The following CHST11 variants were observed in gnomAD, a reference collection of about 807,000 sequenced individuals.
CHST11 encodes carbohydrate sulfotransferase 11, also known as C4S-1.
Under a neutral mutation model 30.4 loss-of-function variants are expected in CHST11, and 9 were observed. The observed-to-expected ratio is 0.30, with a 90% CI of 0.18 to 0.52. CHST11 has a LOEUF of 0.52. Among genes scored for constraint, CHST11 ranks in the 20% least tolerant of loss-of-function variants. The pLI, the probability that CHST11 is intolerant of heterozygous loss-of-function variation, is 0.97. For missense variants in CHST11, 348 were observed against 460.6 expected, an observed-to-expected ratio of 0.76 and a Z score of 2.24; for synonymous variants, 152 against 187.8, an observed-to-expected ratio of 0.81 and a Z score of 1.56.
intron 2 of CHST11, among the ~76,000 whole-genome samples, chr12:104,725,571 T>C (rs1432700612): frequency 6.6e-6 from 1 of 150,988 alleles, no homozygotes; most frequent in Non-Finnish European, 1.5e-5. Flanking sequence ...CTCCCCGCCG[T>C]GGTTGTTTTC....
At chr12:104,657,179 A>G (rs1345324047) in intron 2 of CHST11, among the ~76,000 whole-genome samples, 1 of 152,118 alleles carries the variant, frequency 6.6e-6, no homozygotes, top group Non-Finnish European at 1.5e-5. Context: ...GGGGAATCAT[A>G]TTTCCTGGTT....
intron 2 of CHST11, among the ~76,000 whole-genome samples, chr12:104,650,413 A>C (rs551538259): frequency 6.6e-6 from 1 of 152,182 alleles, no homozygotes; most frequent in Non-Finnish European, 1.5e-5. Context: ...TTATCTGTTT[A>C]TACCTCAGAA....
chr12:104,491,981 G>A (rs977435165), intron 1 of CHST11, among the ~76,000 whole-genome samples: 9 of 152,180 alleles, frequency 5.9e-5, no homozygotes. Flanking sequence ...ATTTGCACCT[G>A]CTGTTCTTCC....
intron 2 of CHST11, among the ~76,000 whole-genome samples, chr12:104,643,480 G>A (rs1302706936): frequency 3.3e-5 from 5 of 152,224 alleles, no homozygotes; most frequent in African/African-American, 2.4e-5. Context: ...CTTTCCCTCT[G>A]TACCATGGTA....
intron 2 of CHST11, among the ~76,000 whole-genome samples, chr12:104,611,473 G>A (rs973968998): frequency 6.6e-6 from 1 of 152,186 alleles, no homozygotes; most frequent in Non-Finnish European, 1.5e-5. Flanking sequence ...CAGGCTTTGC[G>A]CCCCTTGAGG....
intron 2 of CHST11, among the ~76,000 whole-genome samples, chr12:104,720,972 G>T (rs1156939098): frequency 6.6e-6 from 1 of 152,190 alleles, no homozygotes; most frequent in Admixed American, 6.5e-5. Context: ...CATCTCATGT[G>T]CCCCGCAGCG....
chr12:104,566,925 A>T (rs1014408505), intron 1 of CHST11, among the ~76,000 whole-genome samples: 1 of 151,906 alleles, frequency 6.6e-6, no homozygotes, highest in Non-Finnish European at 1.5e-5. Context: ...AGACCCAGAG[A>T]CTTAAGTATC....
intron 2 of CHST11, among the ~76,000 whole-genome samples, chr12:104,623,718 CAAA>C (rs547796323): frequency 2.9e-5 from 4 of 138,518 alleles, no homozygotes; most frequent in Non-Finnish European, 6.3e-5. Context: ...GACTCCATCT[CAAA>C]AAAAAAAAAA....
At chr12:104,510,728 C>T (rs896273288) in intron 1 of CHST11, among the ~76,000 whole-genome samples, 15 of 152,054 alleles carry the variant, frequency 9.9e-5, no homozygotes, top group Admixed American at 2.6e-4. Context: ...TCCCTTTGTT[C>T]GGATTGAGAT....
chr12:104,557,528 G>A (rs1206036825), intron 1 of CHST11, among the ~76,000 whole-genome samples: 6 of 152,118 alleles, frequency 3.9e-5, no homozygotes, highest in South Asian at 4.1e-4. Flanking sequence ...GATAATGACG[G>A]CCCAGGGGAG....
At chr12:104,591,275 T>C (rs1286667185) in intron 1 of CHST11, among the ~76,000 whole-genome samples, 3 of 152,130 alleles carry the variant, frequency 2.0e-5, no homozygotes, top group African/African-American at 4.8e-5. Context: ...GGAAGGCTGT[T>C]ATGATCTGAT....
chr12:104,459,594 A>G (rs912861636), intron 1 of CHST11, among the ~76,000 whole-genome samples: 1 of 152,390 alleles, frequency 6.6e-6, no homozygotes, highest in African/African-American at 2.4e-5. Context: ...CAAAGATACT[A>G]GAAAGAAACT....
intron 2 of CHST11, among the ~76,000 whole-genome samples, chr12:104,697,999 C>A (rs1277921529): frequency 6.6e-6 from 1 of 152,168 alleles, no homozygotes; most frequent in East Asian, 1.9e-4. Context: ...CTGGTCCAAG[C>A]CTCATTACTC....
intron 2 of CHST11, among the ~76,000 whole-genome samples, chr12:104,602,435 C>T (rs913567684): frequency 2.0e-5 from 3 of 152,164 alleles, no homozygotes; most frequent in Non-Finnish European, 4.4e-5. Flanking sequence ...AACTCCCTTG[C>T]GAGCGGGGAC....
chr12:104,480,427 A>C (rs2037609147), intron 1 of CHST11, among the ~76,000 whole-genome samples: 1 of 151,950 alleles, frequency 6.6e-6, no homozygotes, highest in Non-Finnish European at 1.5e-5. Flanking sequence ...AAATACAAAA[A>C]ATTAGCTGGG....
At chr12:104,678,707 G>A (rs966201066) in intron 2 of CHST11, among the ~76,000 whole-genome samples, 2 of 152,050 alleles carry the variant, frequency 1.3e-5, no homozygotes, top group African/African-American at 4.8e-5. Context: ...AGGAATGAAA[G>A]GACAAGGTTT....
chr12:104,485,867 C>T (rs567586689), intron 1 of CHST11, among the ~76,000 whole-genome samples: 2 of 152,340 alleles, frequency 1.3e-5, no homozygotes, highest in South Asian at 2.1e-4. Flanking sequence ...CCTTCAGGGC[C>T]CCTTGGGTTG....
intron 2 of CHST11, among the ~76,000 whole-genome samples, chr12:104,708,072 A>T (rs1432598900): frequency 6.6e-6 from 1 of 152,168 alleles, no homozygotes; most frequent in African/African-American, 2.4e-5. Flanking sequence ...ATGCACTGAC[A>T]CCTTCTCCTC....
At chr12:104,497,097 AC>A in intron 1 of CHST11, among the ~76,000 whole-genome samples, 1 of 152,176 alleles carries the variant, frequency 6.6e-6, no homozygotes, top group Non-Finnish European at 1.5e-5. Flanking sequence ...CAGGTGCTAT[AC>A]CTCAAAGGAC....
Sources: allele counts gnomAD v4.1 joint callset (sites outside exome capture counted in the v4.1 genomes callset), GRCh38; gene constraint gnomAD v4.1.1; transcripts MANE v1.5; gene names NCBI Gene and HGNC (gene_info 2026-07-23, HGNC 2026-07-21).